Variants in TMPRSS12 observed in about 807,000 individuals in gnomAD.
The protein encoded by TMPRSS12 is transmembrane serine protease 12, also known as transmembrane protease serine 12.
In TMPRSS12, 25 loss-of-function variants were observed where a neutral mutation model predicts 26.0. The ratio of observed to expected loss-of-function variants is 0.96; its 90% CI spans 0.70 to 1.34. The LOEUF is 1.34. TMPRSS12 is among the 40% of genes most tolerant of loss of function. The probability of loss-of-function intolerance (pLI) is 0.00; values close to 1 mark genes in which losing one functional copy is unlikely to be tolerated. For missense variants in TMPRSS12, 441 were observed against 440.1 expected (o/e 1.00, Z -0.02); for synonymous variants, 150 against 161.7 (o/e 0.93, Z 0.55).
chr12:50,850,867 T>C (rs544547968), intron 2 of TMPRSS12, among the ~76,000 whole-genome samples: 1 of 152,260 alleles, frequency 6.6e-6, no homozygotes, highest in East Asian at 1.9e-4. Context: ...TGCCCGACCA[T>C]GAGAGGCCAG....
At chr12:50,845,691 T>C (rs1937760898) in intron 2 of TMPRSS12, among the ~76,000 whole-genome samples, 1 of 152,232 alleles carries the variant, frequency 6.6e-6, no homozygotes, top group Admixed American at 6.5e-5. Context: ...AGGCTCTCTG[T>C]GCAGTATCTT....
chr12:50,845,506 T>C (rs1300098307), intron 2 of TMPRSS12, among the ~76,000 whole-genome samples: 5 of 152,238 alleles, frequency 3.3e-5, no homozygotes, highest in African/African-American at 1.2e-4. Flanking sequence ...TGATGAGTCA[T>C]ATTTCCAGCT....
chr12:50,878,764 C>T (rs768598737), intron 3 of TMPRSS12, among the ~76,000 whole-genome samples: 2 of 152,074 alleles, frequency 1.3e-5, no homozygotes, highest in Non-Finnish European at 2.9e-5. Context: ...CGAAAAAAAA[C>T]CCTTGGAGCT....
intron 2 of TMPRSS12, among the ~76,000 whole-genome samples, chr12:50,855,731 T>G (rs1483530907): frequency 2.6e-5 from 4 of 152,172 alleles, no homozygotes; most frequent in African/African-American, 9.7e-5. Flanking sequence ...ATATAAATAA[T>G]TCTACCATAA....
At chr12:50,871,619 A>G (rs1035558132) in intron 3 of TMPRSS12, among the ~76,000 whole-genome samples, 2 of 152,246 alleles carry the variant, frequency 1.3e-5, no homozygotes, top group Non-Finnish European at 2.9e-5. Context: ...GAGATTTTGC[A>G]TGGCAAAAGG....
Position 50,842,982 on chromosome 12 carries a change from G to A in TMPRSS12, c.18G>A (p.Leu6=), listed in dbSNP as rs1003034730. MRLGL[L]SVALLFVGSS... ...CCTCCAAAATGCGGCTGGGGCTCCT[G>A]AGCGTGGCGCTGTTGTTTGTGGGGA... is the stretch of plus-strand genomic sequence containing the variant. Residue 6 remains leucine, a synonymous_variant, in exon 1 of 5, where the codon CTG becomes CTA. Transcript: ENST00000398458. 3.1e-6 allele frequency: 5 copies of A among 1,593,722 alleles called. No homozygotes were observed. The highest frequency in any genetic ancestry group is 1.1e-5 in the South Asian group (1 of 88,126).
chr12:50,870,226 A>G (rs1419937679), intron 3 of TMPRSS12, among the ~76,000 whole-genome samples: 1 of 152,082 alleles, frequency 6.6e-6, no homozygotes, highest in Non-Finnish European at 1.5e-5. Context: ...ACAAAACAAA[A>G]CAAAACAAAA....
chr12:50,885,784 T>A, intron 4 of TMPRSS12: 1 of 399,174 alleles, frequency 2.5e-6, no homozygotes, highest in East Asian at 4.3e-5. Context: ...GCCTCCTAGG[T>A]AGCTGGAATT....
chr12:50,863,489 CTTTAT>C (rs1654879313), intron 3 of TMPRSS12, among the ~76,000 whole-genome samples: 1 of 152,120 alleles, frequency 6.6e-6, no homozygotes, highest in African/African-American at 2.4e-5. Context: ...TTCATGAAAG[CTTTAT>C]TTTAAAAGCC....
rs193073830 is a variant in TMPRSS12 at position 50,851,362 on chromosome 12, C to T, written c.383+7325C>T. On this transcript the variant is annotated intron_variant, in intron 2 of 4. Transcript: ENST00000398458. ...ATGAAACAGCCATTTTAAGAAAGAA[C>T]CAAACTGATCTATAGAGTTAAAAAA... Among the ~76,000 whole-genome samples, 13 of 152,112 alleles carry T rather than the reference C, an allele frequency of 8.5e-5. No individual in the cohort carries two copies. The East Asian group carries it at 2.5e-3, about 29-fold the overall frequency.
At chr12:50,862,971 C>T (rs1046760438) in intron 3 of TMPRSS12, among the ~76,000 whole-genome samples, 2 of 151,962 alleles carry the variant, frequency 1.3e-5, no homozygotes, top group Admixed American at 1.3e-4. Context: ...GGTGGGAGGA[C>T]TGCTTGAGGC....
At chr12:50,884,895 T>A (rs1348790558) in intron 3 of TMPRSS12, among the ~76,000 whole-genome samples, 1 of 129,418 alleles carries the variant, frequency 7.7e-6, no homozygotes, top group Admixed American at 7.7e-5. Flanking sequence ...AAAAAAAAAA[T>A]TAGCCAGGTG....
chr12:50,885,761 T>G (rs1167253062), intron 4 of TMPRSS12: 1 of 459,870 alleles, frequency 2.2e-6, no homozygotes, highest in African/African-American at 2.0e-5. Flanking sequence ...GTTCAAGCGA[T>G]TCTCATCCCT....
At position 50,887,462 on chromosome 12, in the gene TMPRSS12, T is replaced by C. The variant is rs1938239212; in HGVS notation, c.996T>C (p.Arg332=). ...GCATACTTACTATAAATATTTTACG[T>C]GGCCAGATCCTCATAGCTTTATGTT... ...TQGILTINIL[R]GQILIALCFV... The change falls in exon 5 of 5, where the codon CGT becomes CGC. Residue 332 remains arginine (R), a synonymous_variant. Coordinates refer to ENST00000398458, the MANE Select transcript of TMPRSS12 (RefSeq NM_182559.3). 1 of 1,613,932 alleles carries C rather than the reference T, an allele frequency of 6.2e-7. No homozygotes were observed. The highest frequency in any genetic ancestry group is 8.5e-7 in the Non-Finnish European group (1 of 1,179,868).
At chr12:50,883,409 C>T (rs189374830) in intron 3 of TMPRSS12, among the ~76,000 whole-genome samples, 1 of 152,264 alleles carries the variant, frequency 6.6e-6, no homozygotes, top group East Asian at 1.9e-4. Flanking sequence ...AGAAGTCAGC[C>T]AGCTGTGGTG....
chr12:50,860,707 T>G (rs1331385074), intron 3 of TMPRSS12, among the ~76,000 whole-genome samples: 2 of 152,198 alleles, frequency 1.3e-5, no homozygotes, highest in Non-Finnish European at 2.9e-5. Flanking sequence ...CCTCCTGGTC[T>G]CAAGTAATCC....
chr12:50,861,970 C>T (rs906796466), intron 3 of TMPRSS12, among the ~76,000 whole-genome samples: 4 of 152,076 alleles, frequency 2.6e-5, no homozygotes, highest in South Asian at 2.1e-4. Flanking sequence ...CCACCACACT[C>T]GGCTAATTTT....
At chr12:50,880,991 T>A in intron 3 of TMPRSS12, among the ~76,000 whole-genome samples, 1 of 92,450 alleles carries the variant, frequency 1.1e-5, no homozygotes, top group East Asian at 3.8e-4. Flanking sequence ...TTTTTTTTTT[T>A]TTTTTTTTGA....
chr12:50,858,555 T>G (rs1937903318), intron 2 of TMPRSS12, among the ~76,000 whole-genome samples: 1 of 152,232 alleles, frequency 6.6e-6, no homozygotes. Context: ...GCTGCCTTAA[T>G]AACATATTAA....
Sources: gnomAD v4.1 joint callset for allele counts (sites outside exome capture counted in the v4.1 genomes callset) on GRCh38, gnomAD v4.1.1 for gene constraint, MANE v1.5 for transcripts, NCBI Gene and HGNC (gene_info 2026-07-23, HGNC 2026-07-21) for gene names.